Variants in MNS1 observed in about 807,000 individuals in gnomAD.
The protein encoded by MNS1 is meiosis-specific nuclear structural protein 1.
MNS1 carries 63 observed loss-of-function variants against 72.0 expected under a neutral mutation model. The observed-to-expected ratio is 0.87, with a 90% CI of 0.71 to 1.08. The LOEUF (loss-of-function observed/expected upper bound fraction) is 1.08, where lower values mean the gene tolerates loss of function less well. Among genes scored for constraint, MNS1 ranks in the 50% least tolerant of loss-of-function variants. The probability of loss-of-function intolerance (pLI) is 0.00; values close to 1 mark genes in which losing one functional copy is unlikely to be tolerated. For missense variants in MNS1, 604 were observed against 562.4 expected (o/e 1.07, Z -0.75); for synonymous variants, 188 against 172.1 (o/e 1.09, Z -0.72).
Position 56,444,474 on chromosome 15 carries a change from A to AT in MNS1, c.655dup (p.Ile219AsnfsTer3), listed in dbSNP as rs1434422306. On this transcript the variant is annotated frameshift_variant, in exon 5 of 10. Transcript: ENST00000260453. LOFTEE classifies it high-confidence loss of function. Reference sequence around the variant, plus strand: ...ATCTTCTTCATAGATCTTCCTAACAATTTCATCAATCATGAGTTTCTCTTT... The same window carrying AT: ...ATCTTCTTCATAGATCTTCCTAACAATTTTCATCAATCATGAGTTTCTCTTT... 12 of 1,607,540 alleles carry AT rather than the reference A, an allele frequency of 7.5e-6. No homozygotes were observed. Among genetic ancestry groups the AT allele is most frequent in the African/African-American group, 1.3e-5 (1 of 74,472 alleles).
chr15:56,446,726 T>C (rs148878182), intron 4 of MNS1, 115 bp downstream of exon 4: 1 of 713,490 alleles, frequency 1.4e-6, no homozygotes, highest in African/African-American at 1.8e-5. Flanking sequence ...TTTACAAATA[T>C]TTAAGAAATC....
At chr15:56,445,982 T>C (rs1275893913) in intron 4 of MNS1, 1 of 152,074 alleles carries the variant, frequency 6.6e-6, no homozygotes, top group African/African-American at 2.4e-5. Context: ...CCTAAAGGTA[T>C]TCCTGTTAAC....
chr15:56,435,953 T>C (rs954094294), intron 7 of MNS1, among the ~76,000 whole-genome samples: 1 of 151,952 alleles, frequency 6.6e-6, no homozygotes. Flanking sequence ...CATGACCAAG[T>C]AGTGTTTATT....
chr15:56,443,866 TAAC>T lies in MNS1; in HGVS notation c.687-15_687-13del. The T allele has an allele frequency of 6.4e-7, 1 of 1,563,256 alleles. No individual in the cohort carries two copies. Among genetic ancestry groups the T allele is most frequent in the Non-Finnish European group, 8.7e-7 (1 of 1,149,328 alleles). ...TTTGTTGTTTTTCCCTGAAAAGCAA[TAAC>T]AAGTACAGATTTATAGTAAACAATA... On this transcript the variant is annotated splice_polypyrimidine_tract_variant and intron_variant, in intron 5 of 9. Coordinates refer to ENST00000260453, the MANE Select transcript of MNS1 (RefSeq NM_018365.4).
chr15:56,433,780 T>C (rs2050665246), intron 8 of MNS1, among the ~76,000 whole-genome samples: 1 of 152,226 alleles, frequency 6.6e-6, no homozygotes, highest in South Asian at 2.1e-4. Context: ...GTTCATGATC[T>C]GTTTCTCTCT....
intron 2 of MNS1, among the ~76,000 whole-genome samples, chr15:56,460,009 A>AAAAAAAATATATATATATATATAT: frequency 2.3e-4 from 6 of 26,386 alleles, no homozygotes; most frequent in Non-Finnish European, 3.5e-4. Context: ...AAAAAAAAAA[A>AAAAAAAATATATATATATATATAT]ATACATATAT....
chr15:56,441,810 C>G (rs112891000), intron 7 of MNS1, among the ~76,000 whole-genome samples: 1 of 151,978 alleles, frequency 6.6e-6, no homozygotes, highest in South Asian at 2.1e-4. Context: ...GTCAGGAGAT[C>G]GAGACCATCC....
intron 7 of MNS1, 90 bp downstream of exon 7, chr15:56,443,340 G>A (rs2050850999): frequency 1.1e-6 from 1 of 940,854 alleles, no homozygotes. Flanking sequence ...TACCAGTATG[G>A]TTGGATTTAA....
chr15:56,462,054 G>C (rs1443264880), intron 2 of MNS1, among the ~76,000 whole-genome samples: 3 of 144,994 alleles, frequency 2.1e-5, no homozygotes, highest in Non-Finnish European at 3.0e-5. Flanking sequence ...ATTCAGGCTG[G>C]AGTGCGGTGG....
intron 9 of MNS1, chr15:56,429,950 G>T (rs2140310845): frequency 6.6e-6 from 1 of 152,172 alleles, no homozygotes; most frequent in East Asian, 1.9e-4. Context: ...TTTATGAAAT[G>T]TATTAATTAC....
chr15:56,454,634 T>C (rs1184973873), intron 3 of MNS1, among the ~76,000 whole-genome samples: 1 of 152,134 alleles, frequency 6.6e-6, no homozygotes, highest in Non-Finnish European at 1.5e-5. Flanking sequence ...TGAGTGAAAG[T>C]ACTGTTTTCA....
At chr15:56,441,746 G>A (rs2050817543) in intron 7 of MNS1, among the ~76,000 whole-genome samples, 1 of 152,160 alleles carries the variant, frequency 6.6e-6, no homozygotes, top group Admixed American at 6.5e-5. Context: ...CAGGCACGGT[G>A]GCTCACACCT....
Position 56,456,381 on chromosome 15 carries a change from G to A in MNS1, c.353+13C>T. ...AAAGACTAAATAAATGAAATTTAGA[G>A]AAACCAAGATACCTGTTTTCTCTTA... is the stretch of plus-strand genomic sequence containing the variant. On this transcript the variant is annotated intron_variant, in intron 3 of 9. Coordinates refer to ENST00000260453, the MANE Select transcript of MNS1 (RefSeq NM_018365.4). 2 of 1,592,698 alleles carry A rather than the reference G, an allele frequency of 1.3e-6. No individual in the cohort carries two copies. The highest frequency in any genetic ancestry group is 1.2e-5 in the South Asian group (1 of 86,144).
intron 3 of MNS1, among the ~76,000 whole-genome samples, chr15:56,455,737 C>T (rs1234554551): frequency 2.0e-5 from 3 of 151,956 alleles, no homozygotes; most frequent in South Asian, 2.1e-4. Flanking sequence ...GAGTATTATA[C>T]GGAAGTATGG....
rs2051041416 is a variant in MNS1, at chr15:56,464,083, A to G, written c.168T>C (p.Phe56=). The change falls in exon 2 of 10, where the codon TTT becomes TTC. Residue 56 remains phenylalanine, a synonymous_variant. Transcript: ENST00000260453. The part of the protein sequence containing the change: ...ENDNRVQRKQ[F]LRLLQNEQFE... ...ATTGTTCATTTTGTAATAATCTGAG[A>G]AATTGCTTGCGCTGAACACGGTTAT... The G allele has an allele frequency of 5.6e-6, 9 of 1,613,938 alleles. No homozygotes were observed. In the East Asian group the frequency reaches 2.0e-4, roughly 36 times the overall value.
In MNS1 at chr15:56,443,559, A is replaced by G. The variant is rs780994340; in HGVS notation, c.904-22T>C. The stretch of plus-strand genomic sequence containing the variant: ...TCAACTATTAAATTTTTTAAAAAAC[A>G]TAAATATTTATAGGATCCAAATTCT... On this transcript the variant is annotated intron_variant, in intron 6 of 9. Coordinates refer to ENST00000260453, the MANE Select transcript of MNS1 (RefSeq NM_018365.4). 10 of 1,572,320 alleles carry G rather than the reference A, an allele frequency of 6.4e-6. No individual in the cohort carries two copies. The Admixed American group carries it at 9.8e-5, about 15-fold the overall frequency.
At chr15:56,432,918 T>C (rs2050636912) in intron 8 of MNS1, among the ~76,000 whole-genome samples, 1 of 152,198 alleles carries the variant, frequency 6.6e-6, no homozygotes, top group Admixed American at 6.5e-5. Flanking sequence ...TCCTACCGAT[T>C]TTCAAAACAC....
intron 3 of MNS1, among the ~76,000 whole-genome samples, chr15:56,447,907 G>C (rs1239421411): frequency 4.6e-5 from 7 of 152,000 alleles, no homozygotes; most frequent in Admixed American, 1.3e-4. Context: ...CATAGTGCAG[G>C]TACCATTTTT....
chr15:56,431,547 A>G lies in MNS1; in HGVS notation c.1270-49T>C, dbSNP rs200555956. ...TTATCACAAAGTACATTAATCTTATACGAAGTTTTCAAATAAAACTACTCA... is the reference window on the plus strand; with the variant it reads ...TTATCACAAAGTACATTAATCTTATGCGAAGTTTTCAAATAAAACTACTCA... On this transcript the variant is annotated intron_variant, in intron 8 of 9. Coordinates refer to ENST00000260453, the MANE Select transcript of MNS1 (RefSeq NM_018365.4). The G allele has an allele frequency of 7.4e-5, 119 of 1,598,950 alleles. No homozygotes were observed. In the Admixed American group the frequency reaches 8.2e-4, roughly 11 times the overall value.
Sources: gnomAD v4.1 joint callset for allele counts (sites outside exome capture counted in the v4.1 genomes callset) on GRCh38, gnomAD v4.1.1 for gene constraint, MANE v1.5 for transcripts, NCBI Gene and HGNC (gene_info 2026-07-23, HGNC 2026-07-21) for gene names.